Variants in DLG2 observed in about 807,000 individuals in gnomAD.
DLG2 encodes discs large MAGUK scaffold protein 2.
Under a neutral mutation model 132.5 loss-of-function variants are expected in DLG2, and 45 were observed. The ratio of observed to expected loss-of-function variants is 0.34; its 90% CI spans 0.27 to 0.44. The LOEUF (loss-of-function observed/expected upper bound fraction) is 0.44, where lower values mean the gene tolerates loss of function less well. Ranked by LOEUF, DLG2 falls within the 20% of genes least tolerant of loss-of-function variation. The pLI is 1.00. For missense variants in DLG2, 1,045 were observed against 1,196.9 expected (o/e 0.87, Z 1.87); for synonymous variants, 424 against 419.6 (o/e 1.01, Z -0.13).
chr11:83,865,493 A>G (rs1417273100), intron 16 of DLG2, among the ~76,000 whole-genome samples: 1 of 152,128 alleles, frequency 6.6e-6, no homozygotes, highest in Non-Finnish European at 1.5e-5. Context: ...GAAAAAAAAG[A>G]AAATGAATGG....
intron 7 of DLG2, among the ~76,000 whole-genome samples, chr11:84,315,539 C>T (rs1161309797): frequency 6.6e-6 from 1 of 152,140 alleles, no homozygotes; most frequent in Non-Finnish European, 1.5e-5. Context: ...AGAGTATATA[C>T]AGTGTTCACA....
chr11:83,550,067 A>G (rs1436630394), intron 19 of DLG2, among the ~76,000 whole-genome samples: 1 of 152,200 alleles, frequency 6.6e-6, no homozygotes, highest in Non-Finnish European at 1.5e-5. Flanking sequence ...AATCAACCTT[A>G]TAAAGCAGAT....
chr11:84,299,959 A>G (rs2098134175), intron 7 of DLG2, among the ~76,000 whole-genome samples: 1 of 152,066 alleles, frequency 6.6e-6, no homozygotes, highest in Non-Finnish European at 1.5e-5. Flanking sequence ...GTTTTATTCT[A>G]AATATTAGAA....
intron 6 of DLG2, among the ~76,000 whole-genome samples, chr11:84,718,338 C>A (rs1391975362): frequency 6.6e-6 from 1 of 152,008 alleles, no homozygotes; most frequent in African/African-American, 2.4e-5. Flanking sequence ...TGACATGAAT[C>A]TCTCTCATAA....
At chr11:85,330,792 T>TAAAAAAAAAAAAAAAAAAAAA (rs56995757) in intron 3 of DLG2, among the ~76,000 whole-genome samples, 1 of 116,492 alleles carries the variant, frequency 8.6e-6, no homozygotes, top group Non-Finnish European at 1.8e-5. Flanking sequence ...AAAAAAAAAT[T>TAAAAAAAAAAAAAAAAAAAAA]AAAAAAAAAA....
rs139739959 is a variant in DLG2, at chr11:83,573,208, T to C, written c.1941-31350A>G. ...AAATAAATTATGAAGTTATGTAACA[T>C]GTGATTTATCCTATTAAAATGATTA... is the stretch of plus-strand genomic sequence containing the variant. On this transcript the variant is annotated intron_variant, in intron 19 of 27. Transcript: ENST00000376104. 7.2e-5 allele frequency among the ~76,000 whole-genome samples: 11 copies of C among 152,280 alleles called. No homozygotes were observed. In the East Asian group the frequency reaches 9.7e-4, roughly 13 times the overall value.
At chr11:83,800,639 T>C (rs2044105508) in intron 17 of DLG2, among the ~76,000 whole-genome samples, 1 of 150,548 alleles carries the variant, frequency 6.6e-6, no homozygotes, top group Non-Finnish European at 1.5e-5. Context: ...TAAATTTGGA[T>C]TCCTGATGCA....
intron 18 of DLG2, among the ~76,000 whole-genome samples, chr11:83,651,419 G>C (rs547377598): frequency 1.3e-5 from 2 of 152,286 alleles, no homozygotes; most frequent in African/African-American, 4.8e-5. Flanking sequence ...GTGACAGGGT[G>C]AAACTGTCCA....
intron 7 of DLG2, among the ~76,000 whole-genome samples, chr11:84,482,902 T>A (rs189575950): frequency 1.7e-3 from 254 of 152,264 alleles, no homozygotes; most frequent in Non-Finnish European, 2.9e-3. Flanking sequence ...AAATTCCTTC[T>A]CTGATTTGGG....
At chr11:84,691,909 T>C (rs1301115212) in intron 6 of DLG2, among the ~76,000 whole-genome samples, 5 of 151,758 alleles carry the variant, frequency 3.3e-5, no homozygotes, top group Non-Finnish European at 7.4e-5. Flanking sequence ...CCTCCTTCCC[T>C]GGTATTCTAT....
intron 3 of DLG2, among the ~76,000 whole-genome samples, chr11:85,292,321 T>C: frequency 6.6e-6 from 1 of 151,986 alleles, no homozygotes; most frequent in Non-Finnish European, 1.5e-5. Context: ...TTTAAGAATA[T>C]TACCTGGAAC....
chr11:85,202,956 A>G (rs1317624437), intron 4 of DLG2, among the ~76,000 whole-genome samples: 1 of 151,422 alleles, frequency 6.6e-6, no homozygotes, highest in Non-Finnish European at 1.5e-5. Context: ...AAAAACTTCA[A>G]ATAACCTATC....
intron 3 of DLG2, among the ~76,000 whole-genome samples, chr11:85,568,561 T>G (rs1473036858): frequency 6.6e-6 from 1 of 152,140 alleles, no homozygotes; most frequent in South Asian, 2.1e-4. Context: ...TTTTTTGTGG[T>G]TGGAGGTTTT....
intron 7 of DLG2, among the ~76,000 whole-genome samples, chr11:84,329,194 C>T (rs1339214900): frequency 3.9e-5 from 6 of 152,132 alleles, no homozygotes; most frequent in Non-Finnish European, 8.8e-5. Context: ...TATTTGTAAA[C>T]TCACTCTTTC....
At chr11:84,124,807 T>A (rs187931988) in intron 9 of DLG2, among the ~76,000 whole-genome samples, 26 of 151,882 alleles carry the variant, frequency 1.7e-4, no homozygotes, top group Admixed American at 8.5e-4. Flanking sequence ...TGCGTAAATG[T>A]GATAAGAAAT....
intron 9 of DLG2, among the ~76,000 whole-genome samples, chr11:84,107,210 G>A (rs546634147): frequency 6.6e-6 from 1 of 152,008 alleles, no homozygotes; most frequent in Non-Finnish European, 1.5e-5. Flanking sequence ...TGAAGGAGGA[G>A]TGAGAATGGG....
At chr11:85,009,807 C>T (rs990781690) in intron 6 of DLG2, among the ~76,000 whole-genome samples, 2 of 152,014 alleles carry the variant, frequency 1.3e-5, no homozygotes, top group Non-Finnish European at 2.9e-5. Context: ...TTAGAGTTTA[C>T]ATAGTTTAAA....
chr11:83,655,714 G>A (rs765519090), intron 18 of DLG2, among the ~76,000 whole-genome samples: 3 of 152,268 alleles, frequency 2.0e-5, no homozygotes, highest in Non-Finnish European at 4.4e-5. Context: ...CCAACTAATA[G>A]CTCAGGAAAC....
At chr11:84,738,573 A>G (rs2064172747) in intron 6 of DLG2, among the ~76,000 whole-genome samples, 1 of 152,144 alleles carries the variant, frequency 6.6e-6, no homozygotes, top group Admixed American at 6.5e-5. Flanking sequence ...TTAAAATGTT[A>G]GTGGATGCCA....
Sources: allele counts gnomAD v4.1 joint callset (sites outside exome capture counted in the v4.1 genomes callset), GRCh38; gene constraint gnomAD v4.1.1; transcripts MANE v1.5; gene names NCBI Gene and HGNC (gene_info 2026-07-23, HGNC 2026-07-21).